CCBE1: variants seen among roughly 807,000 people sequenced by gnomAD.
CCBE1 encodes collagen and calcium binding EGF domains 1.
In CCBE1, 37 loss-of-function variants were observed where a neutral mutation model predicts 50.0. That is an observed-to-expected ratio of 0.74 (90% CI 0.57 to 0.97). CCBE1 has a LOEUF of 0.97. Among genes scored for constraint, CCBE1 ranks in the 50% least tolerant of loss-of-function variants. The probability of loss-of-function intolerance (pLI) is 0.00; values close to 1 mark genes in which losing one functional copy is unlikely to be tolerated. For synonymous variants in CCBE1, 234 were observed against 203.7 expected (o/e 1.15, Z -1.27); for missense variants, 538 against 523.8 (o/e 1.03, Z -0.26).
At chr18:59,488,833 A>G (rs993467691) in intron 2 of CCBE1, among the ~76,000 whole-genome samples, 1 of 152,226 alleles carries the variant, frequency 6.6e-6, no homozygotes, top group Non-Finnish European at 1.5e-5. Flanking sequence ...ATCAAGCCCA[A>G]CAGCACATGT....
chr18:59,615,207 T>C (rs565919498), intron 2 of CCBE1, among the ~76,000 whole-genome samples: 1 of 152,248 alleles, frequency 6.6e-6, no homozygotes, highest in African/African-American at 2.4e-5. Context: ...GGGAAAACAC[T>C]GCTCTGATGG....
At chr18:59,613,860 TG>T (rs2053602610) in intron 2 of CCBE1, among the ~76,000 whole-genome samples, 1 of 126,086 alleles carries the variant, frequency 7.9e-6, no homozygotes, top group African/African-American at 3.2e-5. Context: ...TTTTCTCTGA[TG>T]GGTTTTTTTT....
At chr18:59,499,024 A>G (rs1332695793) in intron 2 of CCBE1, among the ~76,000 whole-genome samples, 1 of 152,214 alleles carries the variant, frequency 6.6e-6, no homozygotes, top group South Asian at 2.1e-4. Context: ...ATTAAACGAT[A>G]TATGTAACCT....
intron 10 of CCBE1, among the ~76,000 whole-genome samples, chr18:59,437,276 C>T (rs1045140193): frequency 2.7e-4 from 41 of 152,198 alleles, no homozygotes; most frequent in Admixed American, 2.5e-3. Context: ...TATCATCTCC[C>T]GCAACTGCTG....
At chr18:59,450,508 T>C (rs1005110773) in intron 6 of CCBE1, among the ~76,000 whole-genome samples, 1 of 152,046 alleles carries the variant, frequency 6.6e-6, no homozygotes, top group Non-Finnish European at 1.5e-5. Context: ...CTCCTAACCA[T>C]TAAACCAAGC....
chr18:59,555,766 C>T (rs1250570170), intron 2 of CCBE1, among the ~76,000 whole-genome samples: 1 of 152,120 alleles, frequency 6.6e-6, no homozygotes. Context: ...ATAAATGCTG[C>T]CATACCACAT....
At chr18:59,526,186 G>A (rs925552955) in intron 2 of CCBE1, among the ~76,000 whole-genome samples, 4 of 151,894 alleles carry the variant, frequency 2.6e-5, no homozygotes, top group Non-Finnish European at 4.4e-5. Flanking sequence ...AGGGTTTTTC[G>A]TGTATCTATC....
chr18:59,633,366 GATCACTGCTCTGAGA>G (rs1408396251), intron 2 of CCBE1, among the ~76,000 whole-genome samples: 2 of 152,188 alleles, frequency 1.3e-5, no homozygotes, highest in African/African-American at 2.4e-5. Context: ...CTCCCTCCAA[GATCACTGCTCTGAGA>G]ATCACTGCAG....
At chr18:59,634,282 C>T (rs934016790) in intron 2 of CCBE1, among the ~76,000 whole-genome samples, 2 of 152,222 alleles carry the variant, frequency 1.3e-5, no homozygotes. Context: ...CTCATTTGGG[C>T]CTTAGCTGTA....
chr18:59,663,516 G>T (rs2054313856), intron 2 of CCBE1, among the ~76,000 whole-genome samples: 1 of 152,076 alleles, frequency 6.6e-6, no homozygotes, highest in Non-Finnish European at 1.5e-5. Context: ...TGTGAGGCTG[G>T]GCCTTGAGAG....
chr18:59,597,817 T>C (rs909110740), intron 2 of CCBE1, among the ~76,000 whole-genome samples: 24 of 152,176 alleles, frequency 1.6e-4, no homozygotes, highest in African/African-American at 5.8e-4. Context: ...TCCAGATAAC[T>C]GAGTCTCGAA....
In CCBE1 at chr18:59,549,218, T is replaced by G. The variant is rs189419990; in HGVS notation, c.213-68980A>C. ...GTATAAAATATTCCACACTGCAAAA[T>G]AGCAAGGTATGATTCAAATATAGCA... On this transcript the variant is annotated intron_variant, in intron 2 of 10. Transcript: ENST00000439986. 7.2e-5 allele frequency among the ~76,000 whole-genome samples: 11 copies of G among 151,758 alleles called. No homozygotes were observed. The East Asian group carries it at 2.1e-3, about 29-fold the overall frequency.
rs573987572 is a variant in CCBE1 at position 59,609,758 on chromosome 18, T to C, written c.212+86871A>G. Among the ~76,000 whole-genome samples the C allele has an allele frequency of 3.3e-5, 5 of 152,364 alleles. No individual in the cohort carries two copies. The South Asian group carries it at 1.0e-3, about 32-fold the overall frequency. ...TTCTATAGAGGGTCTATTCCTCTCC[T>C]GTAAACATCAGGAAAGCATAACTTT... is the stretch of plus-strand genomic sequence containing the variant. On this transcript the variant is annotated intron_variant, in intron 2 of 10. Transcript: ENST00000439986.
At chr18:59,697,679 C>T, upstream of CCBE1, 1 of 272,620 alleles carries the variant, frequency 3.7e-6, no homozygotes, top group Non-Finnish European at 7.0e-6. Context: ...GGGCTGCGCC[C>T]TCGCCTCTTC....
intron 3 of CCBE1, among the ~76,000 whole-genome samples, chr18:59,472,662 T>G (rs1403355826): frequency 6.6e-6 from 1 of 152,224 alleles, no homozygotes; most frequent in Non-Finnish European, 1.5e-5. Flanking sequence ...TCCATGAATG[T>G]GCATTCACCA....
Position 59,683,151 on chromosome 18 carries a change from A to G in CCBE1, c.212+13478T>C, listed in dbSNP as rs535983718. On this transcript the variant is annotated intron_variant, in intron 2 of 10. Coordinates refer to ENST00000439986, the MANE Select transcript of CCBE1 (RefSeq NM_133459.4). ...TTTCTTTTGGGATCCAAACCCCTGAATATTAGAACCCTAAAGAGTGTGAGT... is the reference window on the plus strand; with the variant it reads ...TTTCTTTTGGGATCCAAACCCCTGAGTATTAGAACCCTAAAGAGTGTGAGT... Among the ~76,000 whole-genome samples the G allele has an allele frequency of 2.6e-5, 4 of 152,328 alleles. No homozygotes were observed. In the South Asian group the frequency reaches 8.3e-4, roughly 32 times the overall value.
intron 2 of CCBE1, among the ~76,000 whole-genome samples, chr18:59,505,528 A>T (rs1437332938): frequency 6.6e-6 from 1 of 152,234 alleles, no homozygotes; most frequent in Admixed American, 6.5e-5. Flanking sequence ...CTAAAATTTG[A>T]TTCCTCTAAG....
intron 2 of CCBE1, among the ~76,000 whole-genome samples, chr18:59,649,753 A>G (rs1245368367): frequency 6.6e-6 from 1 of 152,110 alleles, no homozygotes; most frequent in Admixed American, 6.5e-5. Context: ...ACACAAAAGT[A>G]AAAGTGGGGG....
chr18:59,581,161 A>C (rs1474665148), intron 2 of CCBE1, among the ~76,000 whole-genome samples: 2 of 152,106 alleles, frequency 1.3e-5, no homozygotes, highest in African/African-American at 2.4e-5. Flanking sequence ...AGGCACTCCC[A>C]CTCATGTGGC....
Sources: allele counts gnomAD v4.1 joint callset (sites outside exome capture counted in the v4.1 genomes callset), GRCh38; gene constraint gnomAD v4.1.1; transcripts MANE v1.5; gene names NCBI Gene and HGNC (gene_info 2026-07-23, HGNC 2026-07-21).